Variants in TENT2 observed in about 807,000 individuals in gnomAD.
TENT2 encodes the protein terminal nucleotidyltransferase 2, also known as poly(A) RNA polymerase GLD2.
TENT2 carries 44 observed loss-of-function variants against 72.2 expected under a neutral mutation model. That is an observed-to-expected ratio of 0.61 (90% CI 0.48 to 0.78). TENT2 has a LOEUF of 0.78. TENT2 is among the 30% of genes least tolerant of loss of function. The pLI, the probability that TENT2 is intolerant of heterozygous loss-of-function variation, is 0.00. For missense variants in TENT2, 541 were observed against 569.6 expected, an observed-to-expected ratio of 0.95 and a Z score of 0.51; for synonymous variants, 212 against 192.5, an observed-to-expected ratio of 1.10 and a Z score of -0.84.
At chr5:79,673,655 C>G (rs1319819373) in intron 12 of TENT2, among the ~76,000 whole-genome samples, 1 of 151,960 alleles carries the variant, frequency 6.6e-6, no homozygotes, top group Admixed American at 6.6e-5. Flanking sequence ...GTCTATGTGT[C>G]TGTTTTTATG....
At chr5:79,658,964 T>G (rs1430219982) in intron 11 of TENT2, among the ~76,000 whole-genome samples, 1 of 152,156 alleles carries the variant, frequency 6.6e-6, no homozygotes, top group Non-Finnish European at 1.5e-5. Flanking sequence ...ATACCTGTAA[T>G]GGGGAAATAG....
intron 12 of TENT2, among the ~76,000 whole-genome samples, chr5:79,678,670 T>C (rs912789803): frequency 6.6e-6 from 1 of 152,214 alleles, no homozygotes; most frequent in Non-Finnish European, 1.5e-5. Flanking sequence ...CCATTAAGTA[T>C]ATTTTCATAG....
chr5:79,659,085 T>G (rs1243934480), intron 11 of TENT2, among the ~76,000 whole-genome samples: 2 of 152,118 alleles, frequency 1.3e-5, no homozygotes, highest in Non-Finnish European at 2.9e-5. Context: ...TTAATTAATT[T>G]ACCTTTACTA....
chr5:79,664,489 G>A (rs1253866710), intron 11 of TENT2, among the ~76,000 whole-genome samples: 1 of 151,832 alleles, frequency 6.6e-6, no homozygotes, highest in Non-Finnish European at 1.5e-5. Flanking sequence ...CAGCTACTCC[G>A]GAGGCTGAGG....
intron 3 of TENT2, among the ~76,000 whole-genome samples, chr5:79,622,200 C>G (rs1237273961): frequency 2.6e-5 from 4 of 152,032 alleles, no homozygotes; most frequent in Non-Finnish European, 5.9e-5. Flanking sequence ...ACTCAGGCGG[C>G]TGAGGCAGGA....
intron 4 of TENT2, among the ~76,000 whole-genome samples, chr5:79,636,732 T>C (rs1026785394): frequency 6.6e-6 from 1 of 152,186 alleles, no homozygotes; most frequent in Non-Finnish European, 1.5e-5. Context: ...ATGAATGTGG[T>C]GTATCTCTCC....
chr5:79,624,307 A>G (rs1359123303), intron 4 of TENT2, among the ~76,000 whole-genome samples: 2 of 152,222 alleles, frequency 1.3e-5, no homozygotes, highest in African/African-American at 4.8e-5. Context: ...ATCAACCAGC[A>G]TGGGTCTGAA....
At chr5:79,623,790 A>AG in intron 4 of TENT2, 1 of 217,112 alleles carries the variant, frequency 4.6e-6, no homozygotes, top group South Asian at 1.1e-4. Flanking sequence ...AAAAAAAAAA[A>AG]AGTTGTCATA....
chr5:79,635,081 A>G (rs932663812), intron 4 of TENT2, among the ~76,000 whole-genome samples: 29 of 152,358 alleles, frequency 1.9e-4, no homozygotes, highest in African/African-American at 7.0e-4. Context: ...GTTATTACAT[A>G]TATGATCTAA....
chr5:79,680,663 C>T (rs1392227549), intron 13 of TENT2, among the ~76,000 whole-genome samples: 1 of 152,182 alleles, frequency 6.6e-6, no homozygotes, highest in Non-Finnish European at 1.5e-5. Flanking sequence ...CCCTCGGTTA[C>T]CTTTCCTCTT....
Position 79,645,158 on chromosome 5 carries a change from A to G in TENT2, c.787A>G (p.Lys263Glu). The G allele has an allele frequency of 6.2e-7, 1 of 1,609,218 alleles. No individual in the cohort carries two copies. The highest frequency in any genetic ancestry group is 1.3e-5 in the African/African-American group (1 of 74,714). Residue 263 changes from lysine to glutamate, a missense_variant, in exon 8 of 15, where the codon AAA (lysine) becomes GAA (glutamate). Coordinates refer to ENST00000453514, the MANE Select transcript of TENT2 (RefSeq NM_001114394.3). Reference protein sequence around the residue: ...YIERPQLIRAKVPIVKFRDKV... With the variant: ...YIERPQLIRAEVPIVKFRDKV... ...TGAGAGACCTCAGCTGATTCGAGCA[A>G]AAGTGCCAATTGTGAAGTTCAGGGA...
intron 11 of TENT2, among the ~76,000 whole-genome samples, chr5:79,658,874 T>C (rs1799883432): frequency 6.6e-6 from 1 of 152,104 alleles, no homozygotes; most frequent in African/African-American, 2.4e-5. Context: ...CTTTCTCCCA[T>C]GACAGAGTCC....
chr5:79,679,485 GA>G, intron 12 of TENT2, 93 bp from the exon 13 acceptor site: 1 of 730,632 alleles, frequency 1.4e-6, no homozygotes, highest in South Asian at 4.0e-5. Flanking sequence ...TGTTCCACAA[GA>G]AAATTGGGGT....
intron 13 of TENT2, among the ~76,000 whole-genome samples, chr5:79,680,246 C>G (rs1368830984): frequency 2.0e-5 from 3 of 152,100 alleles, no homozygotes; most frequent in Non-Finnish European, 4.4e-5. Context: ...AGTTGAGAAT[C>G]AGCATTTGTA....
intron 12 of TENT2, 99 bp downstream of exon 12, chr5:79,669,127 T>G: frequency 7.2e-7 from 1 of 1,390,642 alleles, no homozygotes; most frequent in Non-Finnish European, 9.6e-7. Flanking sequence ...TGCTACAGAT[T>G]TAGTCAGGAG....
At chr5:79,677,803 GT>G (rs1281108263) in intron 12 of TENT2, among the ~76,000 whole-genome samples, 1 of 152,058 alleles carries the variant, frequency 6.6e-6, no homozygotes, top group Non-Finnish European at 1.5e-5. Flanking sequence ...GGATGTTTTT[GT>G]TTTTTGTTTT....
chr5:79,629,040 A>C (rs1286311320), intron 4 of TENT2, among the ~76,000 whole-genome samples: 1 of 152,180 alleles, frequency 6.6e-6, no homozygotes, highest in African/African-American at 2.4e-5. Context: ...TAGAGACAAA[A>C]GGAAATACAC....
At chr5:79,649,527 A>G (rs1456633009) in intron 10 of TENT2, among the ~76,000 whole-genome samples, 1 of 152,034 alleles carries the variant, frequency 6.6e-6, no homozygotes, top group Non-Finnish European at 1.5e-5. Flanking sequence ...ACTATTCATC[A>G]TATTTTTAAT....
chr5:79,624,995 A>G (rs1434852686), intron 4 of TENT2, among the ~76,000 whole-genome samples: 2 of 152,204 alleles, frequency 1.3e-5, no homozygotes, highest in East Asian at 3.8e-4. Context: ...TGGTTGCACC[A>G]TTTTGCATCC....
Sources: gnomAD v4.1 joint callset for allele counts (sites outside exome capture counted in the v4.1 genomes callset) on GRCh38, gnomAD v4.1.1 for gene constraint, MANE v1.5 for transcripts, NCBI Gene and HGNC (gene_info 2026-07-23, HGNC 2026-07-21) for gene names.